The following DMXL1 variants were observed in gnomAD, a reference collection of about 807,000 sequenced individuals.
DMXL1 encodes the protein dmX-like protein 1.
DMXL1 carries 99 observed loss-of-function variants against 319.2 expected under a neutral mutation model. The ratio of observed to expected loss-of-function variants is 0.31; its 90% CI spans 0.26 to 0.37. The LOEUF (loss-of-function observed/expected upper bound fraction) is 0.37. DMXL1 is among the 10% of genes least tolerant of loss of function. The pLI is 1.00. For missense variants in DMXL1, 3,745 were observed against 3,595.6 expected, an observed-to-expected ratio of 1.04 and a Z score of -1.06; for synonymous variants, 1,385 against 1,235.2, an observed-to-expected ratio of 1.12 and a Z score of -2.54.
At chr5:119,073,940 C>CG (rs1482004766) in intron 1 of DMXL1, among the ~76,000 whole-genome samples, 3 of 149,062 alleles carry the variant, frequency 2.0e-5, no homozygotes, top group African/African-American at 7.4e-5. Flanking sequence ...TTTTTTGAGA[C>CG]GGAGTTTCGC....
Position 119,122,522 on chromosome 5 carries a change from C to T in DMXL1, c.1102+1383C>T, listed in dbSNP as rs917515691. On this transcript the variant is annotated intron_variant, in intron 9 of 43. Transcript: ENST00000539542. Reference sequence around the variant, plus strand: ...CTTCCCAGACGGGGTGGCTGCCGGGCGGAGAGGCTCCTCACTTCTCAGATG... The same window carrying T: ...CTTCCCAGACGGGGTGGCTGCCGGGTGGAGAGGCTCCTCACTTCTCAGATG... Among the ~76,000 whole-genome samples the T allele has an allele frequency of 3.2e-3, 484 of 151,242 alleles. 12 individuals carry two copies. Among genetic ancestry groups the T allele is most frequent in the Non-Finnish European group, 6.1e-4 (41 of 67,626 alleles).
chr5:119,124,020 A>G (rs574849968), intron 9 of DMXL1, among the ~76,000 whole-genome samples: 1 of 151,600 alleles, frequency 6.6e-6, no homozygotes, highest in Non-Finnish European at 1.5e-5. Context: ...CAAAAGTAAC[A>G]CCAAGGAGCT....
At chr5:119,104,505 G>A (rs143367810) in intron 3 of DMXL1, among the ~76,000 whole-genome samples, 1 of 152,188 alleles carries the variant, frequency 6.6e-6, no homozygotes, top group Non-Finnish European at 1.5e-5. Context: ...CACATTAAGA[G>A]AGTATGAATC....
Position 119,150,388 on chromosome 5 carries a change from A to G in DMXL1, c.4561A>G (p.Thr1521Ala). Residue 1521 changes from threonine to alanine, a missense_variant, in exon 18 of 44, where the codon ACT (threonine) becomes GCT (alanine). Coordinates refer to ENST00000539542, the MANE Select transcript of DMXL1 (RefSeq NM_001290321.3). ...ALADTIATTS[T>A]DIGESRDRSQ... ...AGCAGATACAATTGCAACTACAAGC[A>G]CTGATATTGGAGAAAGCCGAGACAG... The G allele has an allele frequency of 1.2e-6, 2 of 1,613,422 alleles. No homozygotes were observed. The highest frequency in any genetic ancestry group is 1.7e-6 in the Non-Finnish European group (2 of 1,179,674).
intron 1 of DMXL1, among the ~76,000 whole-genome samples, chr5:119,084,876 A>G (rs1440068316): frequency 2.0e-5 from 3 of 152,142 alleles, no homozygotes; most frequent in East Asian, 1.9e-4. Context: ...AAAAAAAAAA[A>G]AAAAAGATCC....
At chr5:119,182,118 A>G (rs187032275) in intron 28 of DMXL1, among the ~76,000 whole-genome samples, 1 of 152,336 alleles carries the variant, frequency 6.6e-6, no homozygotes, top group African/African-American at 2.4e-5. Flanking sequence ...ACTGCTAATC[A>G]TAATCATTGA....
chr5:119,079,511 T>G (rs1315847192), intron 1 of DMXL1, among the ~76,000 whole-genome samples: 1 of 152,234 alleles, frequency 6.6e-6, no homozygotes. Flanking sequence ...CCTCTTTATC[T>G]TTGACTTCAA....
rs555238633 is a variant in DMXL1, at chr5:119,247,423, G to A, written c.*204G>A. On this transcript the variant is annotated 3_prime_UTR_variant, in exon 44 of 44. Transcript: ENST00000539542. ...TAGATTACATTGCCTAAAGTAGAAT[G>A]TGTAAGTAATGCTGTAATAATACAT... The A allele has an allele frequency of 6.1e-4, 284 of 463,558 alleles. No individual in the cohort carries two copies. The highest frequency in any genetic ancestry group is 2.0e-3 in the Admixed American group (59 of 28,786). The allele number at this position is 463,558 out of a possible 1,614,324, so 28.7% of individuals were successfully genotyped here.
Position 119,244,596 on chromosome 5 carries a change from C to G in DMXL1, c.8922+20C>G. The G allele has an allele frequency of 2.6e-6, 4 of 1,568,200 alleles. No homozygotes were observed. Among genetic ancestry groups the G allele is most frequent in the Non-Finnish European group, 3.5e-6 (4 of 1,139,706 alleles). On this transcript the variant is annotated intron_variant, in intron 43 of 43. Transcript: ENST00000539542. ...ATAAAGGTAAACACAGTTGATGCCA[C>G]AACATCTACAAAATGAAATCTTCAG... is the stretch of plus-strand genomic sequence containing the variant.
chr5:119,115,922 C>G (rs1326554649), intron 6 of DMXL1, among the ~76,000 whole-genome samples: 2 of 152,110 alleles, frequency 1.3e-5, no homozygotes, highest in Admixed American at 1.3e-4. Context: ...TAGTAATTAG[C>G]AAGCATTTTT....
chr5:119,196,928 A>G (rs1029736023), intron 31 of DMXL1, among the ~76,000 whole-genome samples: 4 of 152,212 alleles, frequency 2.6e-5, no homozygotes, highest in Admixed American at 2.6e-4. Flanking sequence ...ACACTATCAT[A>G]ATGATGGACA....
rs751608077 is a variant in DMXL1 at position 119,170,146 on chromosome 5, C to T, written c.5399-44C>T. On this transcript the variant is annotated intron_variant, in intron 23 of 43. Coordinates refer to ENST00000539542, the MANE Select transcript of DMXL1 (RefSeq NM_001290321.3). ...GAAAAGACACTACAATAGAAACACA[C>T]AGTTCATAACTTTTCTTGGCTCATA... 11 of 1,532,324 alleles carry T rather than the reference C, an allele frequency of 7.2e-6. No individual in the cohort carries two copies. The African/African-American group carries it at 1.5e-4, about 21-fold the overall frequency. 94.9% of individuals were successfully genotyped at this position (1,532,324 alleles called of 1,614,324 possible).
intron 9 of DMXL1, chr5:119,128,224 G>C: frequency 2.6e-6 from 1 of 384,282 alleles, no homozygotes; most frequent in South Asian, 2.3e-5. Context: ...ATACTCTGGA[G>C]AATACAGAGT....
At chr5:119,152,928 A>G (rs990250701) in intron 19 of DMXL1, among the ~76,000 whole-genome samples, 3 of 151,014 alleles carry the variant, frequency 2.0e-5, no homozygotes, top group African/African-American at 7.3e-5. Context: ...TTTTGCATAT[A>G]GCTTTGAAAA....
At chr5:119,073,115 T>C (rs1206017894) in intron 1 of DMXL1, among the ~76,000 whole-genome samples, 1 of 152,202 alleles carries the variant, frequency 6.6e-6, no homozygotes, top group Non-Finnish European at 1.5e-5. Flanking sequence ...TAGGCTGGAG[T>C]GCAGTGGCGG....
chr5:119,151,725 C>G (rs535204184), intron 18 of DMXL1, among the ~76,000 whole-genome samples: 1 of 152,068 alleles, frequency 6.6e-6, no homozygotes, highest in Non-Finnish European at 1.5e-5. Context: ...ATCAGATTCT[C>G]TTTATTCTCT....
At chr5:119,203,966 G>T (rs1248540654) in intron 33 of DMXL1, among the ~76,000 whole-genome samples, 1 of 151,426 alleles carries the variant, frequency 6.6e-6, no homozygotes, top group Non-Finnish European at 1.5e-5. Flanking sequence ...GGGACTACAG[G>T]TGCCCGCCAC....
chr5:119,143,211 A>G (rs531017697), intron 13 of DMXL1, among the ~76,000 whole-genome samples: 6 of 152,154 alleles, frequency 3.9e-5, no homozygotes, highest in Non-Finnish European at 5.9e-5. Flanking sequence ...CAAACCTACA[A>G]TGAAAGTTAA....
chr5:119,071,945 A>G (rs1749685139), intron 1 of DMXL1, among the ~76,000 whole-genome samples: 1 of 152,140 alleles, frequency 6.6e-6, no homozygotes. Flanking sequence ...CGTTTGTTCA[A>G]AAATCTTTGT....
Sources: allele counts gnomAD v4.1 joint callset (sites outside exome capture counted in the v4.1 genomes callset), GRCh38; gene constraint gnomAD v4.1.1; transcripts MANE v1.5; gene names NCBI Gene and HGNC (gene_info 2026-07-23, HGNC 2026-07-21).